ADAMTS20: variants seen among roughly 807,000 people sequenced by gnomAD.
ADAMTS20 encodes the protein ADAM metallopeptidase with thrombospondin type 1 motif 20.
ADAMTS20 carries 225 observed loss-of-function variants against 260.1 expected under a neutral mutation model. The observed-to-expected ratio is 0.87, with a 90% CI of 0.78 to 0.97. The LOEUF is 0.97. ADAMTS20 is among the 50% of genes least tolerant of loss of function. ADAMTS20 has a pLI of 0.00. For missense variants in ADAMTS20, 2,400 were observed against 2,337.7 expected (o/e 1.03, Z -0.55); for synonymous variants, 802 against 769.5 (o/e 1.04, Z -0.70).
At position 43,453,904 on chromosome 12, in the gene ADAMTS20, T is replaced by C. The variant is rs1447370536; in HGVS notation, c.1760+3A>G. ...AATTTATAGTGACATAAAAAAGACA[T>C]ACTCAGGACGATTACAGCGCCTGGT... On this transcript the variant is annotated splice_donor_region_variant and intron_variant, in intron 12 of 38. Transcript: ENST00000389420. The C allele has an allele frequency of 1.3e-6, 2 of 1,592,198 alleles. No individual in the cohort carries two copies. Among genetic ancestry groups the C allele is most frequent in the Non-Finnish European group, 1.7e-6 (2 of 1,168,044 alleles).
intron 28 of ADAMTS20, among the ~76,000 whole-genome samples, chr12:43,416,053 T>A (rs1941123483): frequency 6.6e-6 from 1 of 152,172 alleles, no homozygotes; most frequent in South Asian, 2.1e-4. Context: ...AGATGTTGTC[T>A]TATACCTCTT....
intron 3 of ADAMTS20, among the ~76,000 whole-genome samples, chr12:43,517,634 A>G (rs894500025): frequency 1.7e-4 from 26 of 152,120 alleles, no homozygotes; most frequent in Admixed American, 1.6e-3. Context: ...TGTTGACTCA[A>G]TGAAGTACAA....
At chr12:43,381,607 C>A (rs1209326911) in intron 31 of ADAMTS20, among the ~76,000 whole-genome samples, 3 of 130,240 alleles carry the variant, frequency 2.3e-5, no homozygotes, top group Admixed American at 8.4e-5. Flanking sequence ...CACAGGGAGA[C>A]CCCATCTCTA....
chr12:43,370,848 G>A (rs1466919504), intron 36 of ADAMTS20, among the ~76,000 whole-genome samples: 2 of 152,104 alleles, frequency 1.3e-5, no homozygotes, highest in African/African-American at 2.4e-5. Context: ...ATCCTGTAGT[G>A]TCTACCTCTT....
intron 36 of ADAMTS20, 132 bp downstream of exon 36, chr12:43,375,247 A>T (rs1940197846): frequency 1.1e-6 from 1 of 912,894 alleles, no homozygotes; most frequent in East Asian, 2.8e-5. Flanking sequence ...ACTGTTTTTA[A>T]AAAAAGTAAG....
intron 18 of ADAMTS20, among the ~76,000 whole-genome samples, chr12:43,435,407 G>C (rs1941531487): frequency 6.6e-6 from 1 of 152,044 alleles, no homozygotes; most frequent in Non-Finnish European, 1.5e-5. Flanking sequence ...TTGGGAAGCT[G>C]AGGCGGGCGG....
At chr12:43,411,307 T>C (rs1456494690) in intron 28 of ADAMTS20, among the ~76,000 whole-genome samples, 1 of 152,172 alleles carries the variant, frequency 6.6e-6, no homozygotes, top group African/African-American at 2.4e-5. Flanking sequence ...TCCCCAGACT[T>C]TTAAATTTTA....
chr12:43,437,985 G>A (rs1592068835), intron 18 of ADAMTS20, among the ~76,000 whole-genome samples: 2 of 152,192 alleles, frequency 1.3e-5, no homozygotes, highest in East Asian at 3.9e-4. Context: ...CTGATAAAAA[G>A]CTTGAGGACT....
intron 31 of ADAMTS20, among the ~76,000 whole-genome samples, chr12:43,378,826 T>C (rs1940286648): frequency 6.6e-6 from 1 of 152,188 alleles, no homozygotes; most frequent in Non-Finnish European, 1.5e-5. Context: ...TCTTCTATAA[T>C]AGCAGTGACA....
At position 43,443,717 on chromosome 12, in the gene ADAMTS20, T is replaced by G. The variant is rs1383421957; in HGVS notation, c.2290+74A>C. On this transcript the variant is annotated intron_variant, in intron 16 of 38. Transcript: ENST00000389420. ...TAAAGGGACTCCTGTTTTCCAAGAA[T>G]TCACATCAACTACAGACTTCCATGA... The G allele has an allele frequency of 3.3e-6, 4 of 1,223,204 alleles. No individual in the cohort carries two copies. The African/African-American group carries it at 4.5e-5, about 14-fold the overall frequency. 75.8% of individuals were successfully genotyped at this position (1,223,204 alleles called of 1,614,324 possible).
At chr12:43,542,868 T>A (rs1452491073) in intron 2 of ADAMTS20, among the ~76,000 whole-genome samples, 1 of 152,172 alleles carries the variant, frequency 6.6e-6, no homozygotes, top group Non-Finnish European at 1.5e-5. Context: ...GCTTTCAGAA[T>A]TACCCCAGCA....
chr12:43,532,377 A>G (rs923008347), intron 2 of ADAMTS20, among the ~76,000 whole-genome samples, 182 bp from the exon 3 acceptor site: 2 of 152,072 alleles, frequency 1.3e-5, no homozygotes, highest in Admixed American at 6.5e-5. Context: ...CCACTCCTAT[A>G]CATAAAGTCA....
chr12:43,529,285 G>A (rs1422117473), intron 3 of ADAMTS20, among the ~76,000 whole-genome samples: 1 of 152,102 alleles, frequency 6.6e-6, no homozygotes, highest in East Asian at 1.9e-4. Context: ...GATTGATCCA[G>A]CTAATATGAT....
intron 29 of ADAMTS20, among the ~76,000 whole-genome samples, chr12:43,389,578 G>C (rs1219662495): frequency 6.6e-6 from 1 of 152,130 alleles, no homozygotes; most frequent in Non-Finnish European, 1.5e-5. Context: ...TTGTAGTTTG[G>C]TGCCTATGGC....
At chr12:43,472,902 T>C (rs1317062637) in intron 7 of ADAMTS20, among the ~76,000 whole-genome samples, 1 of 142,880 alleles carries the variant, frequency 7.0e-6, no homozygotes, top group East Asian at 2.1e-4. Context: ...GTAAAGACCA[T>C]CGAGACTAGG....
In ADAMTS20 at chr12:43,432,717, C is replaced by T; in HGVS notation, c.2815G>A (p.Gly939Arg). ...IHCMKYSIHE[G>R]QTVQVDDHYC... is the part of the protein sequence containing the mutation. Reference sequence around the variant, plus strand: ...TGGTCATCAACTTGAACAGTCTGTCCTTCATGAATGGAATACTTCATGCAA... The same window carrying T: ...TGGTCATCAACTTGAACAGTCTGTCTTTCATGAATGGAATACTTCATGCAA... Residue 939 changes from glycine to arginine, a missense_variant, in exon 20 of 39, where the codon GGA becomes AGA. By Grantham distance (125) the Gly-to-Arg change is moderately radical. Coordinates refer to ENST00000389420, the MANE Select transcript of ADAMTS20 (RefSeq NM_025003.5). The T allele has an allele frequency of 6.2e-7, 1 of 1,613,880 alleles. No homozygotes were observed. Among genetic ancestry groups the T allele is most frequent in the Non-Finnish European group, 8.5e-7 (1 of 1,179,830 alleles).
intron 15 of ADAMTS20, among the ~76,000 whole-genome samples, chr12:43,444,104 T>TAA (rs1380921126): frequency 5.3e-5 from 8 of 152,320 alleles, no homozygotes; most frequent in African/African-American, 1.4e-4. Context: ...TTAAGATTCT[T>TAA]AACTTTTCCT....
chr12:43,507,340 G>C (rs921813212), intron 3 of ADAMTS20, among the ~76,000 whole-genome samples: 1 of 152,148 alleles, frequency 6.6e-6, no homozygotes, highest in Non-Finnish European at 1.5e-5. Context: ...TCTGGGAAAG[G>C]CTGACTATGC....
chr12:43,483,670 G>C (rs1344817758), intron 7 of ADAMTS20, among the ~76,000 whole-genome samples: 1 of 152,098 alleles, frequency 6.6e-6, no homozygotes, highest in Admixed American at 6.5e-5. Flanking sequence ...TGACTGGGTG[G>C]TGGATCGCTT....
Sources: allele counts gnomAD v4.1 joint callset (sites outside exome capture counted in the v4.1 genomes callset), GRCh38; gene constraint gnomAD v4.1.1; transcripts MANE v1.5; gene names NCBI Gene and HGNC (gene_info 2026-07-23, HGNC 2026-07-21).